ATG5: variants seen among roughly 807,000 people sequenced by gnomAD.
The protein encoded by ATG5 is autophagy related 5, also known as autophagy protein 5.
In ATG5, 14 loss-of-function variants were observed where a neutral mutation model predicts 36.5. The ratio of observed to expected loss-of-function variants is 0.38; its 90% confidence interval spans 0.25 to 0.60. The LOEUF (loss-of-function observed/expected upper bound fraction) is 0.60, where lower values mean the gene tolerates loss of function less well. Among genes scored for constraint, ATG5 ranks in the 20% least tolerant of loss-of-function variants. The pLI, the probability that ATG5 is intolerant of heterozygous loss-of-function variation, is 0.60. For synonymous variants in ATG5, 95 were observed against 101.5 expected (o/e 0.94, Z 0.38); for missense variants, 195 against 326.7 (o/e 0.60, Z 3.11).
chr6:106,226,196 A>G (rs1396704787), intron 6 of ATG5, among the ~76,000 whole-genome samples: 1 of 152,238 alleles, frequency 6.6e-6, no homozygotes, highest in Non-Finnish European at 1.5e-5. Flanking sequence ...TCTAATCATC[A>G]GATGATCACT....
chr6:106,323,415 C>G (rs1771173677), intron 1 of ATG5, among the ~76,000 whole-genome samples: 2 of 151,476 alleles, frequency 1.3e-5, no homozygotes, highest in African/African-American at 4.9e-5. Context: ...GCCAGGACTA[C>G]AGGCTCATGC....
intron 4 of ATG5, among the ~76,000 whole-genome samples, chr6:106,290,989 G>C (rs1223738777): frequency 6.6e-6 from 1 of 152,172 alleles, no homozygotes; most frequent in Non-Finnish European, 1.5e-5. Flanking sequence ...GCAGTGAGAG[G>C]TTCACTTTAT....
chr6:106,228,727 G>T (rs594819), intron 6 of ATG5, among the ~76,000 whole-genome samples: 94,013 of 152,034 alleles, frequency 0.62, 30,749 homozygotes, highest in African/African-American at 0.84. Context: ...TGCTACTCTG[G>T]CCTATCCCTT....
At chr6:106,265,903 T>C (rs1779209737) in intron 5 of ATG5, among the ~76,000 whole-genome samples, 1 of 151,992 alleles carries the variant, frequency 6.6e-6, no homozygotes, top group Non-Finnish European at 1.5e-5. Context: ...TCGAAAGATC[T>C]AAAATCGACA....
Position 106,186,585 on chromosome 6 carries a change from C to T in ATG5, c.783G>A (p.Pro261=), listed in dbSNP as rs781601442. Residue 261 remains proline, a synonymous_variant, in exon 8 of 8, where the codon CCG becomes CCA. Transcript: ENST00000369076. ...TGATACTAATATGAAGAAAATTATCCGGGTAGCTCAGATGTTCACTCAGCC... is the reference window on the plus strand; with the variant it reads ...TGATACTAATATGAAGAAAATTATCTGGGTAGCTCAGATGTTCACTCAGCC... The part of the protein sequence containing the change: ...LQWLSEHLSY[P]DNFLHISIIP... The T allele has an allele frequency of 1.2e-5, 20 of 1,613,558 alleles. No homozygotes were observed. The highest frequency in any genetic ancestry group is 6.7e-5 in the Admixed American group (4 of 59,958).
intron 3 of ATG5, among the ~76,000 whole-genome samples, chr6:106,307,690 C>A (rs1302167285): frequency 6.6e-6 from 1 of 152,074 alleles, no homozygotes; most frequent in East Asian, 1.9e-4. Flanking sequence ...GCATGTGCCA[C>A]CACGCCCAAC....
chr6:106,276,163 T>C (rs1396574181), intron 5 of ATG5, among the ~76,000 whole-genome samples: 1 of 152,214 alleles, frequency 6.6e-6, no homozygotes, highest in Non-Finnish European at 1.5e-5. Context: ...TATTCTCTTG[T>C]TTTATAGATT....
chr6:106,207,210 C>A (rs188764193), intron 6 of ATG5, among the ~76,000 whole-genome samples: 1 of 152,168 alleles, frequency 6.6e-6, no homozygotes, highest in Admixed American at 6.5e-5. Context: ...TGGCTGGCTG[C>A]TCCCATCTCT....
intron 3 of ATG5, among the ~76,000 whole-genome samples, chr6:106,294,821 C>T (rs1038930844): frequency 8.6e-5 from 12 of 139,564 alleles, no homozygotes; most frequent in Admixed American, 7.7e-5. Flanking sequence ...CCAGCCTGGA[C>T]GACAGAGTGA....
chr6:106,293,165 CA>C, intron 3 of ATG5, 59 bp from the exon 4 acceptor site: 1 of 1,401,838 alleles, frequency 7.1e-7, no homozygotes, highest in Non-Finnish European at 1.0e-6. Context: ...ACTACAAGGC[CA>C]AAATAAATTT....
At chr6:106,311,707 A>C (rs886605050) in intron 2 of ATG5, among the ~76,000 whole-genome samples, 1 of 152,216 alleles carries the variant, frequency 6.6e-6, no homozygotes, top group Non-Finnish European at 1.5e-5. Context: ...CAAAGGTTTT[A>C]AGCAAGCAAG....
chr6:106,203,306 G>A (rs1776507598), intron 6 of ATG5, among the ~76,000 whole-genome samples: 1 of 151,980 alleles, frequency 6.6e-6, no homozygotes, highest in Non-Finnish European at 1.5e-5. Flanking sequence ...GAGTACAGAG[G>A]CTCTGAAATG....
At chr6:106,206,144 G>C (rs1329398568) in intron 6 of ATG5, among the ~76,000 whole-genome samples, 3 of 151,756 alleles carry the variant, frequency 2.0e-5, no homozygotes, top group Admixed American at 2.0e-4. Flanking sequence ...AAGAGGTGAA[G>C]CCTTTGAGAG....
intron 4 of ATG5, among the ~76,000 whole-genome samples, chr6:106,289,283 G>C (rs1261991259): frequency 6.6e-6 from 1 of 152,082 alleles, no homozygotes; most frequent in African/African-American, 2.4e-5. Context: ...CTATAAGGCA[G>C]TACAATAGAG....
intron 6 of ATG5, among the ~76,000 whole-genome samples, chr6:106,218,060 T>G (rs955706751): frequency 6.6e-6 from 1 of 152,168 alleles, no homozygotes; most frequent in African/African-American, 2.4e-5. Flanking sequence ...ATAATTTAGG[T>G]GACAATTTAT....
chr6:106,306,884 T>C (rs1322025619), intron 3 of ATG5, among the ~76,000 whole-genome samples: 1 of 152,210 alleles, frequency 6.6e-6, no homozygotes, highest in Non-Finnish European at 1.5e-5. Context: ...TTGCCTTATC[T>C]ATGCTGCGTG....
intron 5 of ATG5, among the ~76,000 whole-genome samples, chr6:106,274,283 G>A (rs1017460921): frequency 4.0e-5 from 6 of 151,826 alleles, no homozygotes; most frequent in African/African-American, 1.5e-4. Context: ...TATTTCTTGT[G>A]GCCATTAACT....
chr6:106,256,890 ATTAAC>A (rs1214286390), intron 5 of ATG5, among the ~76,000 whole-genome samples: 1 of 152,202 alleles, frequency 6.6e-6, no homozygotes, highest in Non-Finnish European at 1.5e-5. Flanking sequence ...TTATTTAAAA[ATTAAC>A]TTAAGCTTAC....
intron 5 of ATG5, among the ~76,000 whole-genome samples, chr6:106,263,652 A>G (rs1005752806): frequency 1.6e-4 from 25 of 152,320 alleles, no homozygotes; most frequent in African/African-American, 5.8e-4. Flanking sequence ...AAGCTTCCAG[A>G]GGAAGTAGCA....
Sources: gnomAD v4.1 joint callset for allele counts (sites outside exome capture counted in the v4.1 genomes callset) on GRCh38, gnomAD v4.1.1 for gene constraint, MANE v1.5 for transcripts, NCBI Gene and HGNC (gene_info 2026-07-23, HGNC 2026-07-21) for gene names.